The following GRIA1 variants were observed in gnomAD, a reference collection of about 807,000 sequenced individuals.
The protein encoded by GRIA1 is glutamate ionotropic receptor AMPA type subunit 1.
GRIA1 carries 31 observed loss-of-function variants against 99.2 expected under a neutral mutation model. The ratio of observed to expected loss-of-function variants is 0.31; its 90% CI spans 0.23 to 0.42. The LOEUF (loss-of-function observed/expected upper bound fraction) is 0.42, where lower values mean the gene tolerates loss of function less well. Among genes scored for constraint, GRIA1 ranks in the 10% least tolerant of loss-of-function variants. The pLI, the probability that GRIA1 is intolerant of heterozygous loss-of-function variation, is 1.00. For synonymous variants in GRIA1, 438 were observed against 432.4 expected, an observed-to-expected ratio of 1.01 and a Z score of -0.16; for missense variants, 782 against 1,157.5, an observed-to-expected ratio of 0.68 and a Z score of 4.71.
intron 2 of GRIA1, among the ~76,000 whole-genome samples, chr5:153,529,485 C>T (rs1411428448): frequency 6.6e-6 from 1 of 152,192 alleles, no homozygotes; most frequent in Non-Finnish European, 1.5e-5. Context: ...TGAGTTGAAA[C>T]TTAAAACAGT....
Position 153,812,057 on chromosome 5 carries a change from A to C in GRIA1, c.*832A>C, listed in dbSNP as rs2149684999. 1 of 152,162 alleles carries C rather than the reference A, an allele frequency of 6.6e-6. No homozygotes were observed. The highest frequency in any genetic ancestry group is 2.1e-4 in the South Asian group (1 of 4,814). The allele number at this position is 152,162 out of a possible 1,614,324, so 9.4% of individuals were successfully genotyped here. A position where few individuals can be genotyped will look rare whatever the true frequency, so the allele number is the denominator to read the frequency against. On this transcript the variant is annotated 3_prime_UTR_variant, in exon 16 of 16. Coordinates refer to ENST00000285900, the MANE Select transcript of GRIA1 (RefSeq NM_000827.4). ...GGTATGGTATATTTCTTCAGAGTCAACCTTGGCCCTGAGAAGTATGTCCTC... is the reference window on the plus strand; with the variant it reads ...GGTATGGTATATTTCTTCAGAGTCACCCTTGGCCCTGAGAAGTATGTCCTC...
At chr5:153,533,250 C>G (rs1758246461) in intron 2 of GRIA1, among the ~76,000 whole-genome samples, 1 of 152,116 alleles carries the variant, frequency 6.6e-6, no homozygotes, top group African/African-American at 2.4e-5. Context: ...GGAGCCCATG[C>G]ATTCTTCCAA....
intron 8 of GRIA1, 69 bp downstream of exon 8, chr5:153,686,398 G>A: frequency 9.0e-7 from 1 of 1,112,416 alleles, no homozygotes. Context: ...CAGAGCTGAG[G>A]GCCTGTGAGT....
chr5:153,616,714 A>T (rs1242656798), intron 2 of GRIA1, among the ~76,000 whole-genome samples: 2 of 152,222 alleles, frequency 1.3e-5, no homozygotes, highest in Non-Finnish European at 2.9e-5. Flanking sequence ...AGATGGTTCA[A>T]CTAATATACA....
chr5:153,638,641 C>G (rs1373965348), intron 2 of GRIA1, among the ~76,000 whole-genome samples: 1 of 152,224 alleles, frequency 6.6e-6, no homozygotes, highest in Non-Finnish European at 1.5e-5. Context: ...ATGCTGACAT[C>G]TAGATTTCTA....
intron 11 of GRIA1, among the ~76,000 whole-genome samples, chr5:153,763,087 C>T (rs1280895304): frequency 2.0e-5 from 3 of 152,160 alleles, no homozygotes; most frequent in Non-Finnish European, 4.4e-5. Flanking sequence ...TGTGAAACGC[C>T]TAGGAGCATT....
chr5:153,670,656 A>C (rs1394745502), intron 5 of GRIA1, among the ~76,000 whole-genome samples: 1 of 152,150 alleles, frequency 6.6e-6, no homozygotes, highest in African/African-American at 2.4e-5. Context: ...TCTAATTACC[A>C]AATATTACCC....
At chr5:153,703,622 C>T (rs919717245) in intron 10 of GRIA1, among the ~76,000 whole-genome samples, 6 of 152,124 alleles carry the variant, frequency 3.9e-5, no homozygotes, top group African/African-American at 1.4e-4. Flanking sequence ...TCCCTGTAAT[C>T]CCAGCTACTT....
intron 2 of GRIA1, among the ~76,000 whole-genome samples, chr5:153,598,988 T>TC (rs1471145435): frequency 6.6e-5 from 10 of 152,124 alleles, no homozygotes; most frequent in Non-Finnish European, 1.0e-4. Context: ...TTCATGCCAT[T>TC]CTCCTGCCTC....
chr5:153,547,272 A>C (rs1175527206), intron 2 of GRIA1, among the ~76,000 whole-genome samples: 1 of 152,148 alleles, frequency 6.6e-6, no homozygotes, highest in Non-Finnish European at 1.5e-5. Flanking sequence ...GAGAAGCCAA[A>C]AGATTGGACA....
chr5:153,611,336 T>A (rs1765962512), intron 2 of GRIA1, among the ~76,000 whole-genome samples: 1 of 152,224 alleles, frequency 6.6e-6, no homozygotes, highest in East Asian at 1.9e-4. Flanking sequence ...CATTCTTTTT[T>A]TCCTGGAAAG....
chr5:153,643,938 C>T (rs1447014972), intron 2 of GRIA1, among the ~76,000 whole-genome samples: 1 of 152,182 alleles, frequency 6.6e-6, no homozygotes, highest in African/African-American at 2.4e-5. Flanking sequence ...GAAACACCAT[C>T]CATGAGGGCC....
intron 14 of GRIA1, among the ~76,000 whole-genome samples, chr5:153,795,999 CT>C (rs1226772204): frequency 8.3e-4 from 108 of 130,626 alleles, no homozygotes; most frequent in East Asian, 6.7e-3. Flanking sequence ...ATACTGAACT[CT>C]TTTTTTTTTT....
At position 153,706,012 on chromosome 5, in the gene GRIA1, A is replaced by T; in HGVS notation, c.1768A>T (p.Ser590Cys). The T allele has an allele frequency of 6.2e-7, 1 of 1,613,856 alleles. No individual in the cohort carries two copies. The highest frequency in any genetic ancestry group is 8.5e-7 in the Non-Finnish European group (1 of 1,179,820). The change falls in exon 11 of 16, where the codon AGT becomes TGT. Residue 590 changes from serine to cysteine, a missense_variant. Around this residue, in one of 5 missense-constraint regions of GRIA1, gnomAD observed 39 missense variants for 43.5 expected, o/e 0.90. Coordinates refer to ENST00000285900, the MANE Select transcript of GRIA1 (RefSeq NM_000827.4). ...GTCCAATGAGTTTGGGATATTCAAC[A>T]GTTTGTGGTTCTCCCTGGGAGCCTT... Reference protein sequence around the residue: ...DQSNEFGIFNSLWFSLGAFMQ... With the variant: ...DQSNEFGIFNCLWFSLGAFMQ...
At chr5:153,775,587 G>T (rs1383115273) in intron 13 of GRIA1, among the ~76,000 whole-genome samples, 2 of 152,172 alleles carry the variant, frequency 1.3e-5, no homozygotes, top group East Asian at 3.9e-4. Context: ...TCACCGATTG[G>T]TTTCCAAATA....
chr5:153,724,471 C>T (rs1760344688), intron 11 of GRIA1, among the ~76,000 whole-genome samples: 1 of 152,246 alleles, frequency 6.6e-6, no homozygotes, highest in East Asian at 1.9e-4. Flanking sequence ...GAAATTCAAA[C>T]CAAAGGCAAA....
At position 153,551,760 on chromosome 5, in the gene GRIA1, A is replaced by G. The variant is rs561463560; in HGVS notation, c.220+57695A>G. 1.1e-3 allele frequency among the ~76,000 whole-genome samples: 169 copies of G among 152,254 alleles called. 1 individual carries two copies. Among genetic ancestry groups the G allele is most frequent in the African/African-American group, 3.9e-3 (164 of 41,544 alleles). ...TCCTCCTCCCTGAACCCCTGCTTTC[A>G]TGCTGTGTCATAGCCTTGGCACTCT... is the stretch of plus-strand genomic sequence containing the variant. On this transcript the variant is annotated intron_variant, in intron 2 of 15. Transcript: ENST00000285900.
At chr5:153,501,963 A>G (rs1263311875) in intron 2 of GRIA1, among the ~76,000 whole-genome samples, 1 of 152,202 alleles carries the variant, frequency 6.6e-6, no homozygotes, top group African/African-American at 2.4e-5. Flanking sequence ...CCAATCAGAC[A>G]ACTCAGTGGT....
At chr5:153,664,075 G>A (rs897110178) in intron 5 of GRIA1, among the ~76,000 whole-genome samples, 1 of 152,338 alleles carries the variant, frequency 6.6e-6, no homozygotes, top group African/African-American at 2.4e-5. Flanking sequence ...TTGGCAGATG[G>A]TTGGTGAGCT....
Sources: allele counts gnomAD v4.1 joint callset (sites outside exome capture counted in the v4.1 genomes callset), GRCh38; gene constraint gnomAD v4.1.1; regional missense constraint gnomAD v4.1.1; transcripts MANE v1.5; gene names NCBI Gene and HGNC (gene_info 2026-07-23, HGNC 2026-07-21).